Variants in ANKS1B observed in about 807,000 individuals in gnomAD.
ANKS1B encodes ankyrin repeat and sterile alpha motif domain-containing protein 1B.
A neutral mutation model predicts 148.3 loss-of-function variants in ANKS1B; 36 were observed. The ratio of observed to expected loss-of-function variants is 0.24; its 90% CI spans 0.19 to 0.32. ANKS1B has a LOEUF of 0.32. ANKS1B is among the 10% of genes least tolerant of loss of function. The pLI is 1.00. For synonymous variants in ANKS1B, 542 were observed against 560.8 expected (o/e 0.97, Z 0.47); for missense variants, 1,157 against 1,542.6 (o/e 0.75, Z 4.19).
At chr12:99,239,530 A>C (rs1030593089) in intron 14 of ANKS1B, among the ~76,000 whole-genome samples, 2 of 152,230 alleles carry the variant, frequency 1.3e-5, no homozygotes, top group African/African-American at 2.4e-5. Flanking sequence ...GAATCTAGCA[A>C]GGCAGGCCAA....
intron 3 of ANKS1B, among the ~76,000 whole-genome samples, chr12:99,809,031 G>T (rs189631389): frequency 6.6e-6 from 1 of 152,076 alleles, no homozygotes; most frequent in Admixed American, 6.6e-5. Context: ...GTACTTTTAC[G>T]AGAGCATGAT....
At chr12:99,234,550 A>G (rs181555381) in intron 14 of ANKS1B, among the ~76,000 whole-genome samples, 1 of 152,320 alleles carries the variant, frequency 6.6e-6, no homozygotes, top group East Asian at 1.9e-4. Flanking sequence ...CCACAGCAGC[A>G]AACACAATGT....
At chr12:99,741,149 A>T (rs2060061649) in intron 8 of ANKS1B, among the ~76,000 whole-genome samples, 2 of 151,734 alleles carry the variant, frequency 1.3e-5, no homozygotes, top group South Asian at 4.2e-4. Flanking sequence ...CTGAGGTTGC[A>T]GTGAGCCAAG....
At chr12:99,389,294 C>T (rs2152541306) in intron 12 of ANKS1B, among the ~76,000 whole-genome samples, 1 of 152,280 alleles carries the variant, frequency 6.6e-6, no homozygotes, top group Middle Eastern at 3.4e-3. Context: ...ACATGAGGCA[C>T]CCACCCAACA....
downstream of ANKS1B, among the ~76,000 whole-genome samples, chr12:98,740,907 T>G (rs1320292591): frequency 2.6e-5 from 4 of 152,190 alleles, no homozygotes; most frequent in Non-Finnish European, 4.4e-5. Flanking sequence ...CTGGAATATG[T>G]GTGTGCTGGA....
At chr12:99,279,528 A>G (rs1274838438) in intron 12 of ANKS1B, among the ~76,000 whole-genome samples, 1 of 152,148 alleles carries the variant, frequency 6.6e-6, no homozygotes, top group Non-Finnish European at 1.5e-5. Flanking sequence ...AGATTTGCCT[A>G]TTCTAGACAC....
At chr12:99,238,449 G>A (rs1007394308) in intron 14 of ANKS1B, among the ~76,000 whole-genome samples, 6 of 152,208 alleles carry the variant, frequency 3.9e-5, no homozygotes, top group Non-Finnish European at 7.3e-5. Flanking sequence ...AAGGCCTACT[G>A]CCTCTCTAGA....
At chr12:98,775,934 T>C (rs191455221) in intron 24 of ANKS1B, among the ~76,000 whole-genome samples, 11 of 152,368 alleles carry the variant, frequency 7.2e-5, no homozygotes, top group African/African-American at 2.6e-4. Context: ...ATATTCTATA[T>C]TCAGGTAGGA....
At chr12:99,059,809 T>A (rs2041792123) in intron 16 of ANKS1B, among the ~76,000 whole-genome samples, 2 of 33,532 alleles carry the variant, frequency 6.0e-5, no homozygotes, top group Middle Eastern at 0.021. Context: ...ATATATATGA[T>A]AGGACGTGTA....
chr12:98,883,444 C>G (rs1404882156), intron 17 of ANKS1B, among the ~76,000 whole-genome samples: 1 of 152,182 alleles, frequency 6.6e-6, no homozygotes, highest in Non-Finnish European at 1.5e-5. Context: ...AACCACTCAT[C>G]ATTGCAACAA....
At chr12:99,385,272 C>T (rs2152525648) in intron 12 of ANKS1B, among the ~76,000 whole-genome samples, 1 of 152,258 alleles carries the variant, frequency 6.6e-6, no homozygotes, top group Non-Finnish European at 1.5e-5. Flanking sequence ...AGTTCGAGAC[C>T]AGCCTGGCCA....
chr12:99,964,739 G>A (rs1350774065), intron 1 of ANKS1B, among the ~76,000 whole-genome samples: 1 of 152,206 alleles, frequency 6.6e-6, no homozygotes, highest in Non-Finnish European at 1.5e-5. Flanking sequence ...GGGGATTAGA[G>A]TCCAAGAAGG....
intron 12 of ANKS1B, among the ~76,000 whole-genome samples, chr12:99,291,639 G>C (rs998436565): frequency 1.3e-5 from 2 of 152,078 alleles, no homozygotes; most frequent in African/African-American, 4.8e-5. Flanking sequence ...AAACACATTG[G>C]GGAAAGGACA....
At chr12:99,067,028 T>C (rs1246849792) in intron 16 of ANKS1B, among the ~76,000 whole-genome samples, 1 of 152,176 alleles carries the variant, frequency 6.6e-6, no homozygotes, top group Non-Finnish European at 1.5e-5. Context: ...TCAGAGAGAA[T>C]GGGTGATTCT....
At chr12:99,510,454 G>T (rs1596098570) in intron 9 of ANKS1B, among the ~76,000 whole-genome samples, 2 of 151,980 alleles carry the variant, frequency 1.3e-5, no homozygotes, top group Admixed American at 6.6e-5. Context: ...GGAGGACTTT[G>T]ATAGGTTTGA....
chr12:99,008,808 G>A (rs1002737206), intron 17 of ANKS1B, among the ~76,000 whole-genome samples: 1 of 152,194 alleles, frequency 6.6e-6, no homozygotes, highest in Non-Finnish European at 1.5e-5. Flanking sequence ...ATGAGTGGAG[G>A]ATACACTTGC....
chr12:98,858,116 C>T (rs150645497), intron 17 of ANKS1B, among the ~76,000 whole-genome samples: 68 of 152,254 alleles, frequency 4.5e-4, no homozygotes, highest in African/African-American at 1.6e-3. Context: ...CTACCTCCTC[C>T]TCCGCCCCCA....
At chr12:98,753,928 G>A (rs765181131) in intron 25 of ANKS1B, among the ~76,000 whole-genome samples, 2 of 152,188 alleles carry the variant, frequency 1.3e-5, no homozygotes, top group Non-Finnish European at 2.9e-5. Flanking sequence ...GTTCGCATTT[G>A]AAGATGATGG....
intron 17 of ANKS1B, among the ~76,000 whole-genome samples, chr12:99,048,032 T>C (rs1366538384): frequency 6.6e-6 from 1 of 152,230 alleles, no homozygotes; most frequent in East Asian, 1.9e-4. Flanking sequence ...TATTTTCATT[T>C]TGCACTGGTA....
Sources: gnomAD v4.1 joint callset for allele counts (sites outside exome capture counted in the v4.1 genomes callset) on GRCh38, gnomAD v4.1.1 for gene constraint, MANE v1.5 for transcripts, NCBI Gene and HGNC (gene_info 2026-07-23, HGNC 2026-07-21) for gene names.